MBNL1: variants seen among roughly 807,000 people sequenced by gnomAD.
MBNL1 encodes muscleblind-like protein 1.
Under a neutral mutation model 42.2 loss-of-function variants are expected in MBNL1, and 8 were observed. The observed-to-expected ratio is 0.19, with a 90% CI of 0.11 to 0.34. The LOEUF (loss-of-function observed/expected upper bound fraction) is 0.34. Ranked by LOEUF, MBNL1 falls within the 10% of genes least tolerant of loss-of-function variation. The probability of loss-of-function intolerance (pLI) is 1.00; values close to 1 mark genes in which losing one functional copy is unlikely to be tolerated. For synonymous variants in MBNL1, 169 were observed against 173.9 expected, an observed-to-expected ratio of 0.97 and a Z score of 0.22; for missense variants, 309 against 495.3, an observed-to-expected ratio of 0.62 and a Z score of 3.57.
At chr3:152,447,804 C>A in intron 6 of MBNL1, 31 bp downstream of exon 6, 1 of 1,604,368 alleles carries the variant, frequency 6.2e-7, no homozygotes, top group Non-Finnish European at 8.5e-7. Flanking sequence ...ATAAATGAAT[C>A]TGATGATCTA....
intron 2 of MBNL1, among the ~76,000 whole-genome samples, chr3:152,332,375 A>G (rs778288268): frequency 6.6e-6 from 1 of 152,232 alleles, no homozygotes; most frequent in Non-Finnish European, 1.5e-5. Context: ...GTTGTTAGCC[A>G]AAGAGTAAAT....
At chr3:152,432,636 T>A in intron 3 of MBNL1, 81 bp from the exon 4 acceptor site, 1 of 1,221,052 alleles carries the variant, frequency 8.2e-7, no homozygotes, top group Non-Finnish European at 1.2e-6. Flanking sequence ...GATAGATGGA[T>A]GGAGGACAAA....
At chr3:152,295,346 G>A (rs2058113445) in intron 1 of MBNL1, among the ~76,000 whole-genome samples, 1 of 152,168 alleles carries the variant, frequency 6.6e-6, no homozygotes, top group Non-Finnish European at 1.5e-5. Flanking sequence ...TTAATTTTTA[G>A]TTGTATTTAG....
chr3:152,293,650 C>T (rs1259818279), intron 1 of MBNL1, among the ~76,000 whole-genome samples: 4 of 152,094 alleles, frequency 2.6e-5, no homozygotes, highest in East Asian at 1.9e-4. Context: ...TCATAATAAA[C>T]GACCTCAAAA....
At chr3:152,363,219 C>A (rs2096115312) in intron 2 of MBNL1, among the ~76,000 whole-genome samples, 3 of 151,532 alleles carry the variant, frequency 2.0e-5, no homozygotes, top group African/African-American at 7.3e-5. Context: ...ATATTTTTTT[C>A]ACTTTTCAAA....
chr3:152,420,791 C>A (rs1047713791), intron 3 of MBNL1, among the ~76,000 whole-genome samples: 1 of 152,250 alleles, frequency 6.6e-6, no homozygotes, highest in African/African-American at 2.4e-5. Context: ...CAGAAGTAGG[C>A]TTCAGAAGGT....
At chr3:152,440,049 AT>A (rs1381878893) in intron 4 of MBNL1, among the ~76,000 whole-genome samples, 2 of 152,086 alleles carry the variant, frequency 1.3e-5, no homozygotes, top group African/African-American at 4.8e-5. Context: ...ATTTTATTTT[AT>A]GTTTTTATAA....
At chr3:152,276,219 C>T (rs887296685) in intron 1 of MBNL1, among the ~76,000 whole-genome samples, 4 of 151,986 alleles carry the variant, frequency 2.6e-5, no homozygotes, top group Admixed American at 6.5e-5. Context: ...TAAAGAATAG[C>T]GATGAGAATA....
chr3:152,432,284 G>A (rs1018333874), intron 3 of MBNL1, among the ~76,000 whole-genome samples: 22 of 152,098 alleles, frequency 1.4e-4, no homozygotes, highest in Non-Finnish European at 3.1e-4. Context: ...TAGGACACTT[G>A]CAACCTATTA....
rs568199327 is a variant in MBNL1 at position 152,456,262 on chromosome 3, G to C, written c.998-5G>C. 1.9e-6 allele frequency: 3 copies of C among 1,608,870 alleles called. No homozygotes were observed. Among genetic ancestry groups the C allele is most frequent in the Admixed American group, 1.7e-5 (1 of 59,990 alleles). On this transcript the variant is annotated splice_polypyrimidine_tract_variant and splice_region_variant and intron_variant, in intron 7 of 9. Coordinates refer to ENST00000324210, the MANE Select transcript of MBNL1 (RefSeq NM_021038.5). ...TGTTCGCTTATATGATTTTCCCTCCGAAAGTTCCCATGGTGCACGGTGCTA... is the reference window on the plus strand; with the variant it reads ...TGTTCGCTTATATGATTTTCCCTCCCAAAGTTCCCATGGTGCACGGTGCTA...
chr3:152,307,349 T>A (rs561786946), intron 2 of MBNL1, among the ~76,000 whole-genome samples: 51 of 152,214 alleles, frequency 3.4e-4, no homozygotes, highest in Non-Finnish European at 6.0e-4. Context: ...AGAAATGCCA[T>A]GTCATTAAAA....
At chr3:152,422,542 G>A (rs746932287) in intron 3 of MBNL1, among the ~76,000 whole-genome samples, 7 of 152,112 alleles carry the variant, frequency 4.6e-5, no homozygotes, top group Admixed American at 1.3e-4. Flanking sequence ...ACAGATCAAC[G>A]AGGCAGAAAA....
At chr3:152,276,478 G>T (rs770069325) in intron 1 of MBNL1, among the ~76,000 whole-genome samples, 1 of 152,092 alleles carries the variant, frequency 6.6e-6, no homozygotes, top group Non-Finnish European at 1.5e-5. Context: ...CTGTGTAAAA[G>T]AATAAAAACA....
At position 152,340,516 on chromosome 3, in the gene MBNL1, T is replaced by G. The variant is rs768574509; in HGVS notation, c.174+40149T>G. Reference sequence around the variant, plus strand: ...CAGAGTATATTAAAAATAGTGGAAGTTGGGAGATTTTTAATTCTTCATGAG... The same window carrying G: ...CAGAGTATATTAAAAATAGTGGAAGGTGGGAGATTTTTAATTCTTCATGAG... On this transcript the variant is annotated intron_variant, in intron 2 of 9. Transcript: ENST00000324210. 3.2e-6 allele frequency: 5 copies of G among 1,576,034 alleles called. No homozygotes were observed. The South Asian group carries it at 5.9e-5, about 19-fold the overall frequency.
At chr3:152,445,592 G>GC in intron 5 of MBNL1, 53 bp downstream of exon 5, 1 of 1,550,308 alleles carries the variant, frequency 6.5e-7, no homozygotes, top group South Asian at 1.2e-5. Flanking sequence ...AGCAAAGTGA[G>GC]CAACTATATC....
In MBNL1 at chr3:152,438,293, A is replaced by C. The variant is rs544103358; in HGVS notation, c.549+5373A>C. Among the ~76,000 whole-genome samples, 6 of 152,330 alleles carry C rather than the reference A, an allele frequency of 3.9e-5. No individual in the cohort carries two copies. The East Asian group carries it at 1.2e-3, about 29-fold the overall frequency. ...TTCCTGTCTTATCAATGACAATAAA[A>C]GATCCACATGAGAATAGTGCCCAAA... On this transcript the variant is annotated intron_variant, in intron 4 of 9. Coordinates refer to ENST00000324210, the MANE Select transcript of MBNL1 (RefSeq NM_021038.5).
At chr3:152,381,320 A>C (rs949509125) in intron 2 of MBNL1, among the ~76,000 whole-genome samples, 3 of 152,022 alleles carry the variant, frequency 2.0e-5, no homozygotes, top group African/African-American at 7.2e-5. Context: ...AGGCAGGAGT[A>C]GAAAAAGCCC....
chr3:152,287,539 G>A lies in MBNL1; in HGVS notation c.-789-11866G>A, dbSNP rs553033016. Among the ~76,000 whole-genome samples, 12 of 152,220 alleles carry A rather than the reference G, an allele frequency of 7.9e-5. 1 individual carries two copies. The South Asian group carries it at 2.3e-3, about 29-fold the overall frequency. ...TTTAATGGAATTAAAAATAACCTGG[G>A]AAAACATAGATTCCTGGTTTCTATC... On this transcript the variant is annotated intron_variant, in intron 1 of 9. Transcript: ENST00000324210.
chr3:152,427,454 T>C lies in MBNL1; in HGVS notation c.346-5263T>C, dbSNP rs2098947390. 2.0e-5 allele frequency among the ~76,000 whole-genome samples: 3 copies of C among 152,150 alleles called. No individual in the cohort carries two copies. The South Asian group carries it at 6.2e-4, about 32-fold the overall frequency. ...CCCAGGCTAGAAGGCAGTGGTGCAGTCGTAGCATACTGTAAGTTCACACTC... is the reference window on the plus strand; with the variant it reads ...CCCAGGCTAGAAGGCAGTGGTGCAGCCGTAGCATACTGTAAGTTCACACTC... On this transcript the variant is annotated intron_variant, in intron 3 of 9. Coordinates refer to ENST00000324210, the MANE Select transcript of MBNL1 (RefSeq NM_021038.5).
Sources: allele counts gnomAD v4.1 joint callset (sites outside exome capture counted in the v4.1 genomes callset), GRCh38; gene constraint gnomAD v4.1.1; transcripts MANE v1.5; gene names NCBI Gene and HGNC (gene_info 2026-07-23, HGNC 2026-07-21).